The following MACROD2 variants were observed in gnomAD, a reference collection of about 807,000 sequenced individuals.
The protein encoded by MACROD2 is ADP-ribose glycohydrolase MACROD2.
Under a neutral mutation model 70.4 loss-of-function variants are expected in MACROD2, and 36 were observed. That is an observed-to-expected ratio of 0.51 (90% CI 0.39 to 0.68). The LOEUF (loss-of-function observed/expected upper bound fraction) is 0.68. Ranked by LOEUF, MACROD2 falls within the 30% of genes least tolerant of loss-of-function variation. The pLI is 0.00. For synonymous variants in MACROD2, 172 were observed against 178.8 expected (o/e 0.96, Z 0.30); for missense variants, 496 against 538.4 (o/e 0.92, Z 0.78).
intron 7 of MACROD2, among the ~76,000 whole-genome samples, chr20:15,442,367 A>T (rs1297197944): frequency 6.6e-6 from 1 of 152,130 alleles, no homozygotes; most frequent in Non-Finnish European, 1.5e-5. Context: ...TATCATGTTT[A>T]TTTACCACTC....
rs2052744377 is a variant in MACROD2, at chr20:14,002,402, A to G, written c.161A>G (p.Asp54Gly). The G allele has an allele frequency of 6.3e-7, 1 of 1,577,818 alleles. No individual in the cohort carries two copies. Among genetic ancestry groups the G allele is most frequent in the Non-Finnish European group, 8.6e-7 (1 of 1,160,254 alleles). Reference sequence around the variant, plus strand: ...GAGATGAAGGGCAAGGGCCAAAATGATGGTAAGTTTCTCGGAACATTTTTT... The same window carrying G: ...GAGATGAAGGGCAAGGGCCAAAATGGTGGTAAGTTTCTCGGAACATTTTTT... The part of the protein sequence containing the change: ...KEEMKGKGQN[D>G]EENTQETSQV... Residue 54 changes from aspartate to glycine, a missense_variant and splice_region_variant, in exon 2 of 18, where the codon GAT (aspartate) becomes GGT (glycine). Asp to Gly is a moderately conservative substitution (Grantham distance 94). Coordinates refer to ENST00000684519, the MANE Select transcript of MACROD2 (RefSeq NM_001351661.2).
At chr20:15,241,956 T>G (rs186318819) in intron 6 of MACROD2, among the ~76,000 whole-genome samples, 1 of 152,118 alleles carries the variant, frequency 6.6e-6, no homozygotes, top group Non-Finnish European at 1.5e-5. Flanking sequence ...TTTTTTTTCC[T>G]TCAACAAAAT....
chr20:15,354,349 G>T (rs1158893141), intron 6 of MACROD2, among the ~76,000 whole-genome samples: 11 of 152,082 alleles, frequency 7.2e-5, no homozygotes, highest in Non-Finnish European at 1.6e-4. Flanking sequence ...GGGGCCTGTT[G>T]TGGGGTGGGG....
chr20:15,146,649 A>G (rs2076232341), intron 5 of MACROD2, among the ~76,000 whole-genome samples: 2 of 152,020 alleles, frequency 1.3e-5, no homozygotes, highest in African/African-American at 2.4e-5. Flanking sequence ...TGTTTTTTAC[A>G]TTTTCCATCT....
chr20:15,967,242 C>A (rs1441268892), intron 12 of MACROD2, among the ~76,000 whole-genome samples: 1 of 152,130 alleles, frequency 6.6e-6, no homozygotes, highest in African/African-American at 2.4e-5. Flanking sequence ...ATTTTGCCTT[C>A]CTTTTATGTC....
At chr20:14,485,616 A>G (rs552629054) in intron 3 of MACROD2, among the ~76,000 whole-genome samples, 185 of 141,584 alleles carry the variant, frequency 1.3e-3, no homozygotes, top group African/African-American at 3.1e-3. Context: ...CAGGAGAATG[A>G]CGTGAACCCA....
chr20:15,959,222 A>G (rs969956828), intron 12 of MACROD2, among the ~76,000 whole-genome samples: 44 of 152,172 alleles, frequency 2.9e-4, no homozygotes, highest in Non-Finnish European at 4.1e-4. Flanking sequence ...TTCTCAGTTT[A>G]TGAGGCAAAA....
At chr20:15,823,316 G>GTGTATGTGTGTA (rs58344669) in intron 8 of MACROD2, among the ~76,000 whole-genome samples, 19 of 148,150 alleles carry the variant, frequency 1.3e-4, no homozygotes, top group African/African-American at 3.0e-4. Flanking sequence ...GTGTGTGTGT[G>GTGTATGTGTGTA]TGTGTCTATA....
chr20:14,986,086 A>T (rs201170501), intron 5 of MACROD2, among the ~76,000 whole-genome samples: 1 of 152,232 alleles, frequency 6.6e-6, no homozygotes, highest in Non-Finnish European at 1.5e-5. Context: ...GGACACAGAC[A>T]TCATAGTTGG....
At chr20:15,866,403 TATAAATAA>T (rs371242430) in intron 9 of MACROD2, among the ~76,000 whole-genome samples, 2 of 148,528 alleles carry the variant, frequency 1.3e-5, no homozygotes, top group African/African-American at 5.0e-5. Flanking sequence ...CTCTAAAAAA[TATAAATAA>T]ATAAATAAAT....
chr20:15,657,817 A>G (rs1042746960), intron 8 of MACROD2, among the ~76,000 whole-genome samples: 2 of 152,056 alleles, frequency 1.3e-5, no homozygotes, highest in Admixed American at 6.6e-5. Flanking sequence ...ACATGGTGAA[A>G]CCCCATGTCT....
chr20:14,781,788 G>A (rs1025660742), intron 5 of MACROD2, among the ~76,000 whole-genome samples: 14 of 151,842 alleles, frequency 9.2e-5, no homozygotes, highest in Admixed American at 7.9e-4. Flanking sequence ...GGCAGATTTA[G>A]TTATGATTTT....
At chr20:14,526,785 C>A (rs1393881460) in intron 4 of MACROD2, among the ~76,000 whole-genome samples, 1 of 152,214 alleles carries the variant, frequency 6.6e-6, no homozygotes, top group East Asian at 1.9e-4. Context: ...GGGCTCCAAA[C>A]CCACGACAGT....
intron 4 of MACROD2, among the ~76,000 whole-genome samples, chr20:14,586,281 T>C (rs1435060127): frequency 1.3e-5 from 2 of 151,862 alleles, no homozygotes; most frequent in Non-Finnish European, 2.9e-5. Flanking sequence ...AATATATCTG[T>C]TAGCTCTAAT....
At chr20:14,116,787 G>A (rs1474425449) in intron 3 of MACROD2, among the ~76,000 whole-genome samples, 1 of 151,850 alleles carries the variant, frequency 6.6e-6, no homozygotes. Context: ...ATAGTATTTA[G>A]GCCAGGCACA....
chr20:14,033,815 G>A lies in MACROD2; in HGVS notation c.163+31411G>A, dbSNP rs537633303. ...AAAACCTTTCAATTTATATAAATGT[G>A]TGTGTAGAATTTACCTTTCCTTTTA... is the stretch of plus-strand genomic sequence containing the variant. On this transcript the variant is annotated intron_variant, in intron 2 of 17. Coordinates refer to ENST00000684519, the MANE Select transcript of MACROD2 (RefSeq NM_001351661.2). Among the ~76,000 whole-genome samples, 3 of 152,130 alleles carry A rather than the reference G, an allele frequency of 2.0e-5. No individual in the cohort carries two copies. In the East Asian group the frequency reaches 5.8e-4, roughly 29 times the overall value.
chr20:15,227,394 GC>G (rs1331914299), intron 5 of MACROD2, among the ~76,000 whole-genome samples: 1 of 137,018 alleles, frequency 7.3e-6, no homozygotes, highest in Non-Finnish European at 1.6e-5. Context: ...TTCCTCCCTC[GC>G]CCCCGTTAAT....
At chr20:15,588,364 C>A (rs982627768) in intron 8 of MACROD2, among the ~76,000 whole-genome samples, 1 of 152,180 alleles carries the variant, frequency 6.6e-6, no homozygotes, top group African/African-American at 2.4e-5. Flanking sequence ...GGAGGGGCTG[C>A]TGTGAAGGTC....
At chr20:15,622,709 C>G (rs1338125804) in intron 8 of MACROD2, among the ~76,000 whole-genome samples, 2 of 152,200 alleles carry the variant, frequency 1.3e-5, no homozygotes, top group African/African-American at 4.8e-5. Context: ...CACTTCATCT[C>G]CTCACGTTGG....
Sources: allele counts gnomAD v4.1 joint callset (sites outside exome capture counted in the v4.1 genomes callset), GRCh38; gene constraint gnomAD v4.1.1; transcripts MANE v1.5; gene names NCBI Gene and HGNC (gene_info 2026-07-23, HGNC 2026-07-21).